ZFYVE28: variants seen among roughly 807,000 people sequenced by gnomAD.
ZFYVE28 encodes the protein lateral signaling target protein 2 homolog.
A neutral mutation model predicts 82.1 loss-of-function variants in ZFYVE28; 40 were observed. The observed-to-expected ratio is 0.49, with a 90% CI of 0.38 to 0.63. The LOEUF (loss-of-function observed/expected upper bound fraction) is 0.63, where lower values mean the gene tolerates loss of function less well. Among genes scored for constraint, ZFYVE28 ranks in the 30% least tolerant of loss-of-function variants. The pLI is 0.00. For missense variants in ZFYVE28, 1,321 were observed against 1,242.1 expected (o/e 1.06, Z -0.96); for synonymous variants, 612 against 546.1 (o/e 1.12, Z -1.68).
At chr4:2,308,197 G>A (rs577951849) in intron 7 of ZFYVE28, among the ~76,000 whole-genome samples, 14 of 152,032 alleles carry the variant, frequency 9.2e-5, no homozygotes, top group African/African-American at 2.7e-4. Context: ...ACAGCTCACC[G>A]TAGCCTCGAC....
intron 4 of ZFYVE28, among the ~76,000 whole-genome samples, chr4:2,338,587 C>T (rs1160015936): frequency 6.6e-6 from 1 of 152,182 alleles, no homozygotes; most frequent in Non-Finnish European, 1.5e-5. Flanking sequence ...AGTGAGACTC[C>T]GTCTCAGAAA....
intron 8 of ZFYVE28, among the ~76,000 whole-genome samples, chr4:2,296,057 T>A (rs1212899055): frequency 6.6e-6 from 1 of 152,110 alleles, no homozygotes; most frequent in Non-Finnish European, 1.5e-5. Flanking sequence ...GGTGGGGTCA[T>A]GAGGACATGT....
Position 2,417,543 on chromosome 4 carries a change from G to A in ZFYVE28, c.39+742C>T, listed in dbSNP as rs1404229543. Reference sequence around the variant, plus strand: ...GCCCCGCCGAGGCTGCTGGCCACGGGCGCGCTCGCCCCAAGGGCCGGGCGG... The same window carrying A: ...GCCCCGCCGAGGCTGCTGGCCACGGACGCGCTCGCCCCAAGGGCCGGGCGG... On this transcript the variant is annotated intron_variant, in intron 1 of 12. Transcript: ENST00000290974. The surrounding 1 kb of genome is among the most constrained non-coding windows in gnomAD (Gnocchi z 4.8). Among the ~76,000 whole-genome samples the A allele has an allele frequency of 6.6e-6, 1 of 151,904 alleles. No homozygotes were observed. Among genetic ancestry groups the A allele is most frequent in the African/African-American group, 2.4e-5 (1 of 41,416 alleles).
At position 2,339,183 on chromosome 4, in the gene ZFYVE28, G is replaced by A. The variant is rs551106122; in HGVS notation, c.521+270C>T. 1.4e-3 allele frequency among the ~76,000 whole-genome samples: 220 copies of A among 152,162 alleles called. No homozygotes were observed. Among genetic ancestry groups the A allele is most frequent in the Non-Finnish European group, 2.3e-3 (159 of 68,000 alleles). The stretch of plus-strand genomic sequence containing the variant: ...AGGCATCATGCATGTCTGGCCCCTC[G>A]GGCCTCTCCAAAGCCCTTCCCCTGG... On this transcript the variant is annotated intron_variant, in intron 4 of 12. Coordinates refer to ENST00000290974, the MANE Select transcript of ZFYVE28 (RefSeq NM_020972.3). The surrounding 1 kb of genome is among the most constrained non-coding windows in gnomAD (Gnocchi z 5.0).
At position 2,320,294 on chromosome 4, in the gene ZFYVE28, A is replaced by G. The variant is rs1718888493; in HGVS notation, c.702-23T>C. 5.6e-6 allele frequency: 9 copies of G among 1,608,538 alleles called. No individual in the cohort carries two copies. The highest frequency in any genetic ancestry group is 6.8e-6 in the Non-Finnish European group (8 of 1,176,520). ...CCACTGCATTTGAGACACAAAAGCC[A>G]GGATGTCAGGCCCTGTGGCCCCCTG... is the stretch of plus-strand genomic sequence containing the variant. On this transcript the variant is annotated intron_variant, in intron 6 of 12. Coordinates refer to ENST00000290974, the MANE Select transcript of ZFYVE28 (RefSeq NM_020972.3). This position sits in a 1 kb window ranked among gnomAD's most constrained non-coding sequence, Gnocchi z 5.1.
chr4:2,291,941 T>C (rs1465875970), intron 8 of ZFYVE28, among the ~76,000 whole-genome samples: 1 of 151,126 alleles, frequency 6.6e-6, no homozygotes, highest in East Asian at 2.0e-4. Flanking sequence ...GCAGGGAGAG[T>C]CAGGGATGTG....
chr4:2,307,594 T>A (rs1716776337), intron 7 of ZFYVE28, among the ~76,000 whole-genome samples: 1 of 152,178 alleles, frequency 6.6e-6, no homozygotes, highest in Non-Finnish European at 1.5e-5. Flanking sequence ...ATTATTCTTC[T>A]GCCTCAGCCT....
At chr4:2,356,438 G>A (rs536456141) in intron 1 of ZFYVE28, among the ~76,000 whole-genome samples, 2,091 of 20,880 alleles carry the variant, frequency 0.1, 49 homozygotes, top group African/African-American at 0.21. Flanking sequence ...CCCCCTCCCC[G>A]GCCGTTGATG....
chr4:2,413,555 C>T (rs1214897783), intron 1 of ZFYVE28, among the ~76,000 whole-genome samples: 2 of 152,098 alleles, frequency 1.3e-5, no homozygotes, highest in African/African-American at 4.8e-5. Context: ...GAGGGAGCAC[C>T]GCCGGGCTCA....
At position 2,362,460 on chromosome 4, in the gene ZFYVE28, A is replaced by G. The variant is rs971582071; in HGVS notation, c.40-8387T>C. Among the ~76,000 whole-genome samples, 4 of 151,706 alleles carry G rather than the reference A, an allele frequency of 2.6e-5. No individual in the cohort carries two copies. The highest frequency in any genetic ancestry group is 9.7e-5 in the African/African-American group (4 of 41,244). ...GCCGAGCAAGCCCCTCCACCCCTCC[A>G]CCACTGGGGCTAGAATTGTTCACTG... On this transcript the variant is annotated intron_variant, in intron 1 of 12. Transcript: ENST00000290974. This position sits in a 1 kb window ranked among gnomAD's most constrained non-coding sequence, Gnocchi z 5.1.
chr4:2,297,933 C>G (rs1714877150), intron 8 of ZFYVE28, among the ~76,000 whole-genome samples: 1 of 129,154 alleles, frequency 7.7e-6, no homozygotes, highest in African/African-American at 3.1e-5. Flanking sequence ...CTGGGAGGAA[C>G]AGCAGAGGAC....
intron 1 of ZFYVE28, among the ~76,000 whole-genome samples, chr4:2,403,463 C>A (rs78404057): frequency 6.6e-6 from 1 of 152,216 alleles, no homozygotes; most frequent in African/African-American, 2.4e-5. Flanking sequence ...GAGGACATAG[C>A]GCACTTCTGA....
chr4:2,399,749 AAC>A (rs1466586709), intron 1 of ZFYVE28, among the ~76,000 whole-genome samples: 1 of 152,242 alleles, frequency 6.6e-6, no homozygotes, highest in Non-Finnish European at 1.5e-5. Context: ...GAGCGGAAGA[AAC>A]AGTGCAGGCC....
intron 1 of ZFYVE28, among the ~76,000 whole-genome samples, chr4:2,360,647 C>A (rs1172739042): frequency 6.6e-6 from 1 of 152,074 alleles, no homozygotes; most frequent in African/African-American, 2.4e-5. Flanking sequence ...AGGCAGGGGT[C>A]CCAGGAAATG....
intron 1 of ZFYVE28, among the ~76,000 whole-genome samples, chr4:2,415,115 T>A (rs776722990): frequency 3.3e-5 from 5 of 152,236 alleles, no homozygotes; most frequent in Non-Finnish European, 7.3e-5. Flanking sequence ...TTTGCAAATG[T>A]CATTTTAATG....
Position 2,339,750 on chromosome 4 carries a change from CCT to C in ZFYVE28, c.319-97_319-96del, listed in dbSNP as rs1722470911. On this transcript the variant is annotated intron_variant, in intron 3 of 12. Coordinates refer to ENST00000290974, the MANE Select transcript of ZFYVE28 (RefSeq NM_020972.3). The surrounding 1 kb of genome is among the most constrained non-coding windows in gnomAD (Gnocchi z 5.0). ...GAACCTGACTGCGCACCTCGGGGCCCCTCTTCTCACCCCACAGCACAGGCCAG... is the reference window on the plus strand; with the variant it reads ...GAACCTGACTGCGCACCTCGGGGCCCCTTCTCACCCCACAGCACAGGCCAG... The C allele has an allele frequency of 3.6e-6, 4 of 1,107,164 alleles. No individual in the cohort carries two copies. The highest frequency in any genetic ancestry group is 5.1e-6 in the Non-Finnish European group (4 of 787,228). The allele number at this position is 1,107,164 out of a possible 1,614,324, so 68.6% of individuals were successfully genotyped here. A position where few individuals can be genotyped will look rare whatever the true frequency, so the allele number is the denominator to read the frequency against.
intron 1 of ZFYVE28, among the ~76,000 whole-genome samples, chr4:2,407,843 C>G (rs561157262): frequency 2.6e-5 from 4 of 152,340 alleles, no homozygotes; most frequent in African/African-American, 9.6e-5. Flanking sequence ...GCCTCGGCTT[C>G]GCAAAGTGCT....
At chr4:2,389,648 T>C (rs1405445216) in intron 1 of ZFYVE28, among the ~76,000 whole-genome samples, 1 of 152,156 alleles carries the variant, frequency 6.6e-6, no homozygotes, top group Non-Finnish European at 1.5e-5. Flanking sequence ...GTTGGAAGCA[T>C]CCATTCCCCG....
chr4:2,277,767 G>A (rs138579308), intron 8 of ZFYVE28, among the ~76,000 whole-genome samples: 2 of 152,214 alleles, frequency 1.3e-5, no homozygotes, highest in East Asian at 1.9e-4. Flanking sequence ...TCCCCAAATC[G>A]ATCTACAGAT....
Sources: gnomAD v4.1 joint callset for allele counts (sites outside exome capture counted in the v4.1 genomes callset) on GRCh38, gnomAD v4.1.1 for gene constraint, Gnocchi (gnomAD v3.1) non-coding constraint, MANE v1.5 for transcripts, NCBI Gene and HGNC (gene_info 2026-07-23, HGNC 2026-07-21) for gene names.